COPS4: variants seen among roughly 807,000 people sequenced by gnomAD.
The protein encoded by COPS4 is COP9 signalosome complex subunit 4.
In COPS4, 8 loss-of-function variants were observed where a neutral mutation model predicts 55.1. The ratio of observed to expected loss-of-function variants is 0.15; its 90% CI spans 0.09 to 0.26. COPS4 has a LOEUF of 0.26. Among genes scored for constraint, COPS4 ranks in the 10% least tolerant of loss-of-function variants. The pLI, the probability that COPS4 is intolerant of heterozygous loss-of-function variation, is 1.00. For synonymous variants in COPS4, 185 were observed against 165.7 expected, an observed-to-expected ratio of 1.12 and a Z score of -0.90; for missense variants, 248 against 484.0, an observed-to-expected ratio of 0.51 and a Z score of 4.58.
chr4:83,073,683 A>T (rs1368176577), intron 9 of COPS4, among the ~76,000 whole-genome samples: 1 of 152,156 alleles, frequency 6.6e-6, no homozygotes, highest in Non-Finnish European at 1.5e-5. Flanking sequence ...GGCTGGGCGT[A>T]GTGGCTCACG....
chr4:83,049,979 A>C lies in COPS4; in HGVS notation c.405A>C (p.Gly135=). Residue 135 remains glycine (G), a synonymous_variant, in exon 4 of 10, where the codon GGA becomes GGC. Transcript: ENST00000264389. ...QVLVGIPLET[G]QKQYNVDYKL... The stretch of plus-strand genomic sequence containing the variant: ...TGGTGGGAATTCCTTTGGAAACAGG[A>C]CAAAAGTATAGTAAATAGTGGATAT... 6.3e-7 allele frequency: 1 copy of C among 1,585,920 alleles called. No homozygotes were observed. Among genetic ancestry groups the C allele is most frequent in the Admixed American group, 1.7e-5 (1 of 58,774 alleles).
intron 2 of COPS4, 102 bp downstream of exon 2, chr4:83,045,807 CA>C (rs1730694565): frequency 1.5e-6 from 1 of 649,906 alleles, no homozygotes; most frequent in Non-Finnish European, 2.7e-6. Context: ...ATTAAATATG[CA>C]TTGAGATTGA....
At chr4:83,063,791 C>T (rs1455468689) in intron 7 of COPS4, among the ~76,000 whole-genome samples, 2 of 151,868 alleles carry the variant, frequency 1.3e-5, no homozygotes, top group Non-Finnish European at 2.9e-5. Context: ...TTCACCACAA[C>T]CTCTGCCTCC....
At chr4:83,055,677 G>A (rs995083331) in intron 4 of COPS4, among the ~76,000 whole-genome samples, 4 of 151,882 alleles carry the variant, frequency 2.6e-5, no homozygotes, top group South Asian at 4.2e-4. Context: ...TCCTGACCTC[G>A]TGATCTGCCC....
At chr4:83,062,133 G>A (rs2868740) in intron 6 of COPS4, among the ~76,000 whole-genome samples, 151,635 of 152,324 alleles carry the variant, frequency 1, 75,474 homozygotes, top group Middle Eastern at 1. Flanking sequence ...TAATGTTATC[G>A]GTTGTCACTA....
intron 1 of COPS4, among the ~76,000 whole-genome samples, chr4:83,036,262 C>G (rs1363580471): frequency 6.7e-6 from 1 of 149,558 alleles, no homozygotes; most frequent in South Asian, 2.1e-4. Flanking sequence ...AGTGAGACCC[C>G]CCCCCCCGCC....
At chr4:83,051,964 T>C (rs1462048533) in intron 4 of COPS4, among the ~76,000 whole-genome samples, 3 of 152,048 alleles carry the variant, frequency 2.0e-5, no homozygotes, top group Admixed American at 1.3e-4. Context: ...ATGAGGAAAA[T>C]GTATCAAGGG....
At chr4:83,066,949 A>T (rs1266829414) in intron 8 of COPS4, among the ~76,000 whole-genome samples, 3 of 152,238 alleles carry the variant, frequency 2.0e-5, no homozygotes, top group Non-Finnish European at 4.4e-5. Flanking sequence ...TATTCTCTTA[A>T]CTTTAAATAA....
chr4:83,045,023 T>C (rs2062891083), intron 1 of COPS4, among the ~76,000 whole-genome samples: 1 of 152,220 alleles, frequency 6.6e-6, no homozygotes, highest in Non-Finnish European at 1.5e-5. Context: ...AAATAGGTAC[T>C]GTCTGACAGC....
rs1246326256 is a variant in COPS4, at chr4:83,072,391, C to T, written c.1088-2906C>T. On this transcript the variant is annotated intron_variant, in intron 9 of 9. Coordinates refer to ENST00000264389, the MANE Select transcript of COPS4 (RefSeq NM_016129.3). ...CTGGGATTACAGGCATGAGCCACTG[C>T]ACTGCACCCGGCCGAATTCTGTCAG... Among the ~76,000 whole-genome samples the T allele has an allele frequency of 3.9e-5, 6 of 152,334 alleles. No homozygotes were observed. The East Asian group carries it at 1.2e-3, about 29-fold the overall frequency.
In COPS4 at chr4:83,035,409, C is replaced by A. The variant is rs914296544; in HGVS notation, c.74+111C>A. Reference sequence around the variant, plus strand: ...GGCGTGAAGCTAGGAGCCGGCCTGACGTCCAAGGGGGCGGGCCTGAGGTCG... The same window carrying A: ...GGCGTGAAGCTAGGAGCCGGCCTGAAGTCCAAGGGGGCGGGCCTGAGGTCG... On this transcript the variant is annotated intron_variant, in intron 1 of 9. Transcript: ENST00000264389. 1.0e-5 allele frequency: 9 copies of A among 889,566 alleles called. No individual in the cohort carries two copies. The Admixed American group carries it at 2.1e-4, about 20-fold the overall frequency. The allele number at this position is 889,566 out of a possible 1,614,324, so 55.1% of individuals were successfully genotyped here.
intron 7 of COPS4, among the ~76,000 whole-genome samples, chr4:83,064,869 CTTTTTTTTTT>C (rs140166684): frequency 1.6e-4 from 12 of 73,628 alleles, no homozygotes; most frequent in East Asian, 5.5e-4. Context: ...TAAGCAGTCC[CTTTTTTTTTT>C]TTTTTTTTTT....
chr4:83,058,889 T>C (rs948610554), intron 6 of COPS4, among the ~76,000 whole-genome samples: 1 of 152,216 alleles, frequency 6.6e-6, no homozygotes, highest in African/African-American at 2.4e-5. Flanking sequence ...CGTTCCACAT[T>C]GCCCTATACT....
In COPS4 at chr4:83,050,626, G is replaced by C. The variant is rs774488651; in HGVS notation, c.410+642G>C. Among the ~76,000 whole-genome samples, 13 of 152,252 alleles carry C rather than the reference G, an allele frequency of 8.5e-5. No homozygotes were observed. The South Asian group carries it at 2.5e-3, about 29-fold the overall frequency. On this transcript the variant is annotated intron_variant, in intron 4 of 9. Coordinates refer to ENST00000264389, the MANE Select transcript of COPS4 (RefSeq NM_016129.3). Reference sequence around the variant, plus strand: ...TGCACCTGGCCGAATATCATCACTAGATACTCTTAGAGGAGATGGCTAGTG... The same window carrying C: ...TGCACCTGGCCGAATATCATCACTACATACTCTTAGAGGAGATGGCTAGTG...
intron 4 of COPS4, among the ~76,000 whole-genome samples, chr4:83,053,856 G>T: frequency 4.5e-5 from 2 of 44,594 alleles, no homozygotes; most frequent in African/African-American, 7.9e-5. Context: ...AAAAAAAGAT[G>T]GTTTATAACT....
chr4:83,063,328 T>A, intron 7 of COPS4, 82 bp downstream of exon 7: 1 of 919,764 alleles, frequency 1.1e-6, no homozygotes, highest in Non-Finnish European at 1.6e-6. Context: ...AGAAGTATCT[T>A]TTAATAATAA....
At position 83,049,176 on chromosome 4, in the gene COPS4, G is replaced by C; in HGVS notation, c.165G>C (p.Glu55Asp). ...LKAFVEAMVN[E>D]NVSLVISRQL... ...TTTTTTTTAAACAAGTGGTAAATGA[G>C]AATGTCAGTCTCGTGATCTCGCGGC... Residue 55 changes from glutamate to aspartate, a missense_variant, in exon 3 of 10, where the codon GAG (glutamate) becomes GAC (aspartate). This residue lies in a region of COPS4 where 155 missense variants were observed against 326.6 expected (regional missense o/e 0.47). Transcript: ENST00000264389. 6.3e-7 allele frequency: 1 copy of C among 1,593,940 alleles called. No homozygotes were observed. The highest frequency in any genetic ancestry group is 8.5e-7 in the Non-Finnish European group (1 of 1,174,142).
intron 4 of COPS4, among the ~76,000 whole-genome samples, chr4:83,050,256 G>T (rs1273231211): frequency 6.6e-6 from 1 of 152,086 alleles, no homozygotes; most frequent in Non-Finnish European, 1.5e-5. Flanking sequence ...AGCTAAGAGT[G>T]ATCTGAGGAA....
At chr4:83,048,211 A>G (rs888154408) in intron 2 of COPS4, among the ~76,000 whole-genome samples, 2 of 152,242 alleles carry the variant, frequency 1.3e-5, no homozygotes, top group Non-Finnish European at 2.9e-5. Flanking sequence ...AAACAGAAGC[A>G]CAGAGAAGCA....
Sources: allele counts gnomAD v4.1 joint callset (sites outside exome capture counted in the v4.1 genomes callset), GRCh38; gene constraint gnomAD v4.1.1; regional missense constraint gnomAD v4.1.1; transcripts MANE v1.5; gene names NCBI Gene and HGNC (gene_info 2026-07-23, HGNC 2026-07-21).